The following CTNND2 variants were observed in gnomAD, a reference collection of about 807,000 sequenced individuals.
The protein encoded by CTNND2 is catenin delta-2.
CTNND2 carries 22 observed loss-of-function variants against 144.4 expected under a neutral mutation model. The ratio of observed to expected loss-of-function variants is 0.15; its 90% CI spans 0.11 to 0.22. The LOEUF is 0.22. Ranked by LOEUF, CTNND2 falls within the 10% of genes least tolerant of loss-of-function variation. The pLI is 1.00. For synonymous variants in CTNND2, 751 were observed against 695.6 expected, an observed-to-expected ratio of 1.08 and a Z score of -1.25; for missense variants, 1,353 against 1,618.8, an observed-to-expected ratio of 0.84 and a Z score of 2.82.
chr5:11,861,911 A>G (rs534385649), intron 1 of CTNND2, among the ~76,000 whole-genome samples: 29 of 152,248 alleles, frequency 1.9e-4, no homozygotes, highest in African/African-American at 6.7e-4. Context: ...TCCCATCCCT[A>G]TCTTGTTGAA....
chr5:11,829,857 T>C (rs1793801393), intron 1 of CTNND2, among the ~76,000 whole-genome samples: 1 of 152,128 alleles, frequency 6.6e-6, no homozygotes, highest in African/African-American at 2.4e-5. Flanking sequence ...ACACTCAAAG[T>C]AAGCCTGGGA....
At chr5:11,243,960 A>T (rs1300208246) in intron 9 of CTNND2, among the ~76,000 whole-genome samples, 1 of 152,248 alleles carries the variant, frequency 6.6e-6, no homozygotes, top group Non-Finnish European at 1.5e-5. Context: ...TGTGGACATT[A>T]TTAAAATGTA....
intron 9 of CTNND2, among the ~76,000 whole-genome samples, chr5:11,245,799 C>T (rs1462412275): frequency 2.6e-5 from 4 of 152,270 alleles, no homozygotes; most frequent in African/African-American, 9.6e-5. Context: ...GGAAAGAGAC[C>T]ACCCCATTAG....
intron 1 of CTNND2, among the ~76,000 whole-genome samples, chr5:11,846,253 G>A (rs1428781029): frequency 6.6e-6 from 1 of 152,058 alleles, no homozygotes; most frequent in East Asian, 1.9e-4. Flanking sequence ...TATGGCATAT[G>A]GGCTGTCAGT....
rs190002760 is a variant in CTNND2, at chr5:11,243,211, G to A, written c.1629-6388C>T. On this transcript the variant is annotated intron_variant, in intron 9 of 21. Coordinates refer to ENST00000304623, the MANE Select transcript of CTNND2 (RefSeq NM_001332.4). ...CTTTCTTCCTAACTCCCCTTGGGAG[G>A]CAGTGTGCTAGAGTGGGAAATGGTC... 2.6e-4 allele frequency among the ~76,000 whole-genome samples: 40 copies of A among 152,288 alleles called. 1 individual carries two copies. In the East Asian group the frequency reaches 7.7e-3, roughly 29 times the overall value.
intron 8 of CTNND2, among the ~76,000 whole-genome samples, chr5:11,360,731 T>C (rs1408798062): frequency 1.3e-5 from 2 of 152,208 alleles, no homozygotes; most frequent in African/African-American, 4.8e-5. Context: ...GTAGCCTATA[T>C]GATATTACCT....
chr5:11,152,070 T>G (rs2149754519), intron 12 of CTNND2, among the ~76,000 whole-genome samples: 1 of 152,264 alleles, frequency 6.6e-6, no homozygotes, highest in South Asian at 2.1e-4. Flanking sequence ...TAAAAAGCTT[T>G]TATACGTAAA....
intron 2 of CTNND2, among the ~76,000 whole-genome samples, chr5:11,581,764 C>T (rs1778453533): frequency 6.6e-6 from 1 of 152,170 alleles, no homozygotes; most frequent in African/African-American, 2.4e-5. Context: ...TTTCTCATAT[C>T]TCAGGTTTCA....
At chr5:11,274,002 C>T (rs2149982455) in intron 9 of CTNND2, among the ~76,000 whole-genome samples, 2 of 152,258 alleles carry the variant, frequency 1.3e-5, no homozygotes, top group Middle Eastern at 6.8e-3. Context: ...CTTCGCTTTT[C>T]ATTTTTCCCA....
chr5:11,290,266 G>C (rs1195576692), intron 9 of CTNND2, among the ~76,000 whole-genome samples: 1 of 152,158 alleles, frequency 6.6e-6, no homozygotes, highest in Non-Finnish European at 1.5e-5. Flanking sequence ...TCTTGAACTA[G>C]GTTATAAACC....
intron 1 of CTNND2, among the ~76,000 whole-genome samples, chr5:11,776,774 A>C (rs1174764172): frequency 6.6e-6 from 1 of 152,240 alleles, no homozygotes; most frequent in East Asian, 1.9e-4. Flanking sequence ...TTTAAAAAAC[A>C]AAATTACTTT....
chr5:11,129,133 A>ATATATTATATATAATATATATT (rs1755190405), intron 12 of CTNND2, among the ~76,000 whole-genome samples: 1 of 26,044 alleles, frequency 3.8e-5, no homozygotes, highest in African/African-American at 1.7e-4. Context: ...ATATATATTT[A>ATATATTATATATAATATATATT]TATATATTAT....
At chr5:11,328,156 A>G (rs1752725133) in intron 9 of CTNND2, among the ~76,000 whole-genome samples, 1 of 152,232 alleles carries the variant, frequency 6.6e-6, no homozygotes, top group Non-Finnish European at 1.5e-5. Context: ...TTAATGACTT[A>G]TATGGAAAAC....
intron 1 of CTNND2, among the ~76,000 whole-genome samples, chr5:11,740,905 G>C (rs1359511242): frequency 6.6e-6 from 1 of 151,842 alleles, no homozygotes; most frequent in Non-Finnish European, 1.5e-5. Context: ...TTTCATACAG[G>C]ACTTTTCATA....
chr5:11,127,072 C>G (rs985163797), intron 12 of CTNND2, among the ~76,000 whole-genome samples: 1 of 152,228 alleles, frequency 6.6e-6, no homozygotes, highest in African/African-American at 2.4e-5. Flanking sequence ...CAACCAAGGA[C>G]AGGACCTGGC....
At chr5:11,312,138 T>C (rs1209952373) in intron 9 of CTNND2, among the ~76,000 whole-genome samples, 98 of 53,728 alleles carry the variant, frequency 1.8e-3, no homozygotes, top group East Asian at 2.7e-3. Context: ...ATACATCCTC[T>C]CCCCCACCAC....
intron 1 of CTNND2, among the ~76,000 whole-genome samples, chr5:11,841,267 A>T (rs551138890): frequency 6.6e-6 from 1 of 152,320 alleles, no homozygotes; most frequent in Admixed American, 6.5e-5. Flanking sequence ...CAGCATTGCT[A>T]CTAGCCTTAT....
chr5:11,661,767 A>T (rs989882825), intron 2 of CTNND2, among the ~76,000 whole-genome samples: 1 of 152,060 alleles, frequency 6.6e-6, no homozygotes, highest in African/African-American at 2.4e-5. Flanking sequence ...TTTTCCGATA[A>T]GCTGAATAAA....
intron 1 of CTNND2, among the ~76,000 whole-genome samples, chr5:11,764,277 C>T (rs535834484): frequency 3.2e-4 from 49 of 152,270 alleles, no homozygotes; most frequent in African/African-American, 1.1e-3. Context: ...GACCTACCAA[C>T]ACCTTGATAT....
Sources: gnomAD v4.1 joint callset for allele counts (sites outside exome capture counted in the v4.1 genomes callset) on GRCh38, gnomAD v4.1.1 for gene constraint, MANE v1.5 for transcripts, NCBI Gene and HGNC (gene_info 2026-07-23, HGNC 2026-07-21) for gene names.